The following EXOC4 variants were observed in gnomAD, a reference collection of about 807,000 sequenced individuals.
The protein encoded by EXOC4 is exocyst complex component 4.
A neutral mutation model predicts 107.2 loss-of-function variants in EXOC4; 71 were observed. The observed-to-expected ratio is 0.66, with a 90% CI of 0.55 to 0.81. The LOEUF (loss-of-function observed/expected upper bound fraction) is 0.81. Ranked by LOEUF, EXOC4 falls within the 30% of genes least tolerant of loss-of-function variation. EXOC4 has a pLI of 0.00. For synonymous variants in EXOC4, 456 were observed against 441.2 expected, an observed-to-expected ratio of 1.03 and a Z score of -0.42; for missense variants, 1,108 against 1,189.6, an observed-to-expected ratio of 0.93 and a Z score of 1.01.
intron 14 of EXOC4, among the ~76,000 whole-genome samples, chr7:133,982,933 G>A (rs912324319): frequency 2.0e-5 from 3 of 152,214 alleles, no homozygotes; most frequent in Non-Finnish European, 4.4e-5. Context: ...TATTGCTTAA[G>A]AGGTATGATA....
chr7:133,364,759 G>A (rs377451270), intron 6 of EXOC4, among the ~76,000 whole-genome samples: 3 of 152,118 alleles, frequency 2.0e-5, no homozygotes, highest in African/African-American at 4.8e-5. Flanking sequence ...CTGCCATCTG[G>A]TATCTCACCT....
At chr7:133,553,014 A>G (rs1800621696) in intron 9 of EXOC4, among the ~76,000 whole-genome samples, 1 of 152,100 alleles carries the variant, frequency 6.6e-6, no homozygotes, top group East Asian at 1.9e-4. Flanking sequence ...CTGGGTTAAC[A>G]TGCACTGAGC....
At chr7:133,499,879 C>T (rs546449521) in intron 9 of EXOC4, among the ~76,000 whole-genome samples, 46 of 152,248 alleles carry the variant, frequency 3.0e-4, no homozygotes, top group African/African-American at 1.0e-3. Context: ...TGCACAGCCT[C>T]CAGAACTGTG....
At chr7:133,880,249 C>A (rs939278647) in intron 11 of EXOC4, among the ~76,000 whole-genome samples, 1 of 152,190 alleles carries the variant, frequency 6.6e-6, no homozygotes, top group Admixed American at 6.5e-5. Flanking sequence ...ATTACCATCA[C>A]CCCTGAAAAG....
chr7:133,781,919 A>AG (rs1796476609), intron 10 of EXOC4, among the ~76,000 whole-genome samples: 1 of 151,500 alleles, frequency 6.6e-6, no homozygotes, highest in South Asian at 2.1e-4. Flanking sequence ...TAACACAAAA[A>AG]AGTTTTTATT....
chr7:134,018,806 GT>G (rs1563093498), intron 17 of EXOC4, among the ~76,000 whole-genome samples: 1 of 151,560 alleles, frequency 6.6e-6, no homozygotes, highest in Non-Finnish European at 1.5e-5. Flanking sequence ...TTTCTGGGTG[GT>G]TTTCCCCCTT....
chr7:134,008,031 A>G, intron 17 of EXOC4, 196 bp downstream of exon 17: 1 of 529,568 alleles, frequency 1.9e-6, no homozygotes, highest in Admixed American at 3.7e-5. Flanking sequence ...TTTGGCAGAT[A>G]GTTTTTCCTG....
chr7:133,817,591 G>T, intron 11 of EXOC4, 47 bp downstream of exon 11: 1 of 1,362,892 alleles, frequency 7.3e-7, no homozygotes, highest in South Asian at 1.2e-5. Context: ...AATTTTCATT[G>T]ACTTGGCAAG....
chr7:133,567,252 A>AATAT (rs200321581), intron 9 of EXOC4, among the ~76,000 whole-genome samples: 1 of 151,502 alleles, frequency 6.6e-6, no homozygotes, highest in Non-Finnish European at 1.5e-5. Context: ...TATATAAGCA[A>AATAT]ATATATATAT....
At chr7:133,678,659 G>A (rs1794118151) in intron 10 of EXOC4, among the ~76,000 whole-genome samples, 1 of 151,420 alleles carries the variant, frequency 6.6e-6, no homozygotes, top group Non-Finnish European at 1.5e-5. Flanking sequence ...TGCCCAGGCT[G>A]GAGTACAGTG....
At chr7:133,565,223 G>A (rs144168877) in intron 9 of EXOC4, among the ~76,000 whole-genome samples, 263 of 152,232 alleles carry the variant, frequency 1.7e-3, no homozygotes, top group African/African-American at 5.9e-3. Context: ...GAAGACCATA[G>A]GCTTAGTTTG....
At chr7:133,483,934 TAA>T in intron 9 of EXOC4, 1 of 1,169,700 alleles carries the variant, frequency 8.5e-7, no homozygotes, top group Non-Finnish European at 1.3e-6. Flanking sequence ...AGTCAAACCG[TAA>T]GAGACTAAGG....
At chr7:134,008,093 CT>C (rs1245966501) in intron 17 of EXOC4, among the ~76,000 whole-genome samples, 1 of 152,084 alleles carries the variant, frequency 6.6e-6, no homozygotes, top group Non-Finnish European at 1.5e-5. Flanking sequence ...CTCTTTTTTT[CT>C]GCATGTAAAA....
At position 133,499,950 on chromosome 7, in the gene EXOC4, G is replaced by T. The variant is rs548888267; in HGVS notation, c.1417+19812G>T. Among the ~76,000 whole-genome samples, 5 of 152,010 alleles carry T rather than the reference G, an allele frequency of 3.3e-5. 1 individual carries two copies. The East Asian group carries it at 5.8e-4, about 18-fold the overall frequency. Reference sequence around the variant, plus strand: ...GTCTCGGGTATTTCTTGATAGCGGTGTGAGAACAGACTAATATGCCTTATT... The same window carrying T: ...GTCTCGGGTATTTCTTGATAGCGGTTTGAGAACAGACTAATATGCCTTATT... On this transcript the variant is annotated intron_variant, in intron 9 of 17. Transcript: ENST00000253861.
chr7:133,768,886 A>C (rs561120796), intron 10 of EXOC4, among the ~76,000 whole-genome samples: 44 of 152,062 alleles, frequency 2.9e-4, no homozygotes, highest in African/African-American at 9.6e-4. Context: ...AAGAAATCTA[A>C]AGAACAGGTT....
the EXOC4 span, among the ~76,000 whole-genome samples, chr7:134,092,922 CA>C: frequency 0.011 from 858 of 80,448 alleles, 8 homozygotes; most frequent in African/African-American, 0.028. Context: ...GACTCCATCT[CA>C]AAAAAAAAAA....
chr7:133,560,325 C>T (rs1461735364), intron 9 of EXOC4, among the ~76,000 whole-genome samples: 1 of 152,076 alleles, frequency 6.6e-6, no homozygotes, highest in East Asian at 1.9e-4. Flanking sequence ...CCGTCTGTGG[C>T]CCAGGCTAGA....
chr7:133,504,955 T>C (rs1452068392), intron 9 of EXOC4, among the ~76,000 whole-genome samples: 1 of 151,994 alleles, frequency 6.6e-6, no homozygotes, highest in Non-Finnish European at 1.5e-5. Flanking sequence ...TGAAATGAAA[T>C]ATGGAAACCT....
chr7:134,011,060 C>A (rs1794751799), intron 17 of EXOC4, among the ~76,000 whole-genome samples: 1 of 152,148 alleles, frequency 6.6e-6, no homozygotes, highest in Non-Finnish European at 1.5e-5. Flanking sequence ...ACGGTTTTAA[C>A]CCCCCTGTTA....
Sources: gnomAD v4.1 joint callset for allele counts (sites outside exome capture counted in the v4.1 genomes callset) on GRCh38, gnomAD v4.1.1 for gene constraint, MANE v1.5 for transcripts, NCBI Gene and HGNC (gene_info 2026-07-23, HGNC 2026-07-21) for gene names.